The following DTNA variants were observed in gnomAD, a reference collection of about 807,000 sequenced individuals.
DTNA encodes the protein dystrobrevin alpha, also known as dystrophin-related protein 3.
DTNA carries 43 observed loss-of-function variants against 100.7 expected under a neutral mutation model. The observed-to-expected ratio is 0.43, with a 90% CI of 0.33 to 0.55. The LOEUF (loss-of-function observed/expected upper bound fraction) is 0.55. Among genes scored for constraint, DTNA ranks in the 20% least tolerant of loss-of-function variants. The probability of loss-of-function intolerance (pLI) is 0.04; values close to 1 mark genes in which losing one functional copy is unlikely to be tolerated. For missense variants in DTNA, 798 were observed against 953.9 expected (o/e 0.84, Z 2.15); for synonymous variants, 349 against 347.9 (o/e 1.00, Z -0.04).
chr18:34,527,166 A>G (rs2042704407), intron 1 of DTNA, among the ~76,000 whole-genome samples: 1 of 151,952 alleles, frequency 6.6e-6, no homozygotes. Flanking sequence ...GTGTATGGAA[A>G]TGTGCAGTAT....
chr18:34,744,148 C>T (rs1291821255), intron 1 of DTNA, among the ~76,000 whole-genome samples: 1 of 152,148 alleles, frequency 6.6e-6, no homozygotes, highest in Non-Finnish European at 1.5e-5. Flanking sequence ...TTATTAATGA[C>T]ATAAAATAAA....
chr18:34,773,095 A>T (rs1158963158), intron 3 of DTNA, among the ~76,000 whole-genome samples: 2 of 152,062 alleles, frequency 1.3e-5, no homozygotes, highest in African/African-American at 2.4e-5. Flanking sequence ...TTCCCCATTT[A>T]TGACTAGCCA....
intron 1 of DTNA, among the ~76,000 whole-genome samples, chr18:34,715,430 A>G (rs74790024): frequency 0.035 from 5,317 of 152,232 alleles, 292 homozygotes; most frequent in African/African-American, 0.12. Context: ...CACACATGTT[A>G]TGAAATGTTC....
intron 1 of DTNA, among the ~76,000 whole-genome samples, chr18:34,544,504 G>T (rs2044567984): frequency 6.6e-6 from 1 of 152,080 alleles, no homozygotes; most frequent in African/African-American, 2.4e-5. Context: ...GAAAATCAAG[G>T]AATTCAGTCT....
At chr18:34,584,008 G>A (rs899764453) in intron 1 of DTNA, among the ~76,000 whole-genome samples, 4 of 151,588 alleles carry the variant, frequency 2.6e-5, no homozygotes, top group African/African-American at 4.8e-5. Flanking sequence ...AGAAATCTGC[G>A]TGCCGAATAG....
At chr18:34,597,661 A>AC (rs1330430961) in intron 1 of DTNA, among the ~76,000 whole-genome samples, 1 of 151,998 alleles carries the variant, frequency 6.6e-6, no homozygotes, top group East Asian at 1.9e-4. Context: ...TCAAACATTG[A>AC]CTCCACTGCT....
At chr18:34,548,501 G>A (rs1317275447) in intron 1 of DTNA, among the ~76,000 whole-genome samples, 3 of 152,158 alleles carry the variant, frequency 2.0e-5, no homozygotes, top group Middle Eastern at 3.4e-3. Context: ...TTTTACAATC[G>A]AAGCATTTCT....
chr18:34,604,508 G>A (rs147251457), intron 1 of DTNA, among the ~76,000 whole-genome samples: 1 of 152,222 alleles, frequency 6.6e-6, no homozygotes, highest in East Asian at 1.9e-4. Context: ...TCTCTGTTCA[G>A]CATTGCAGGG....
At chr18:34,627,727 T>C in intron 1 of DTNA, among the ~76,000 whole-genome samples, 1 of 152,174 alleles carries the variant, frequency 6.6e-6, no homozygotes, top group East Asian at 1.9e-4. Flanking sequence ...ATGATGCACA[T>C]GATTGTGCCA....
At chr18:34,873,970 A>T (rs2150309757) in intron 17 of DTNA, among the ~76,000 whole-genome samples, 1 of 152,266 alleles carries the variant, frequency 6.6e-6, no homozygotes, top group South Asian at 2.1e-4. Flanking sequence ...CCCTCAGCCC[A>T]TTGGGCACCC....
intron 3 of DTNA, among the ~76,000 whole-genome samples, chr18:34,784,540 C>T (rs1359123113): frequency 6.6e-6 from 1 of 152,204 alleles, no homozygotes; most frequent in Non-Finnish European, 1.5e-5. Context: ...TCTTCCAAAT[C>T]TTTACATAGT....
intron 15 of DTNA, 103 bp from the exon 16 acceptor site, chr18:34,858,182 G>A (rs1212085705): frequency 1.9e-6 from 2 of 1,048,630 alleles, no homozygotes; most frequent in Non-Finnish European, 2.9e-6. Flanking sequence ...CTAAACATAG[G>A]ATGATCCCTT....
At chr18:34,631,572 A>G (rs1291711618) in intron 1 of DTNA, among the ~76,000 whole-genome samples, 1 of 152,224 alleles carries the variant, frequency 6.6e-6, no homozygotes, top group African/African-American at 2.4e-5. Context: ...AGTTTTAAGA[A>G]GCAAAGTGAT....
In DTNA at chr18:34,755,985, A is replaced by C. The variant is rs1377417445; in HGVS notation, c.9A>C (p.Glu3Asp). Residue 3 changes from glutamate (E) to aspartate (D), a missense_variant, in exon 2 of 23, where the codon GAA becomes GAC. By Grantham distance (45) the Glu-to-Asp change is conservative. Around this residue, in one of 6 missense-constraint regions of DTNA, gnomAD observed 197 missense variants for 215.4 expected, o/e 0.91. Coordinates refer to ENST00000444659, the MANE Select transcript of DTNA (RefSeq NM_001386795.1). MI[E>D]DSGKRGNTMA... Reference sequence around the variant, plus strand: ...CTATTTTGTCTCATAGAATGATTGAAGATAGTGGGAAAAGAGGAAATACCA... The same window carrying C: ...CTATTTTGTCTCATAGAATGATTGACGATAGTGGGAAAAGAGGAAATACCA... 5 of 1,613,264 alleles carry C rather than the reference A, an allele frequency of 3.1e-6. No homozygotes were observed. Among genetic ancestry groups the C allele is most frequent in the Non-Finnish European group, 3.4e-6 (4 of 1,179,484 alleles).
intron 4 of DTNA, among the ~76,000 whole-genome samples, chr18:34,803,568 T>C (rs960731357): frequency 1.2e-4 from 19 of 152,206 alleles, no homozygotes; most frequent in Admixed American, 1.2e-3. Context: ...GCCTCACATA[T>C]AATGCTCCTC....
At chr18:34,506,357 T>A (rs1157788314) in intron 1 of DTNA, among the ~76,000 whole-genome samples, 2 of 151,158 alleles carry the variant, frequency 1.3e-5, no homozygotes, top group African/African-American at 2.4e-5. Context: ...ATAGGGGGGG[T>A]CTTTATTACC....
At position 34,888,172 on chromosome 18, in the gene DTNA, A is replaced by C; in HGVS notation, c.*438A>C. 1 of 985,896 alleles carries C rather than the reference A, an allele frequency of 1.0e-6. No homozygotes were observed. The highest frequency in any genetic ancestry group is 1.2e-6 in the Non-Finnish European group (1 of 829,938). The allele number at this position is 985,896 out of a possible 1,614,324, so 61.1% of individuals were successfully genotyped here. On this transcript the variant is annotated 3_prime_UTR_variant, in exon 23 of 23. Coordinates refer to ENST00000444659, the MANE Select transcript of DTNA (RefSeq NM_001386795.1). ...TTTGCACATGATATTGAACCTGTTC[A>C]GTTTACAATGACAATATTAATACTG...
intron 1 of DTNA, among the ~76,000 whole-genome samples, chr18:34,588,400 A>G (rs1168528093): frequency 6.6e-6 from 1 of 151,958 alleles, no homozygotes; most frequent in Admixed American, 6.6e-5. Flanking sequence ...CCCTACCTAT[A>G]GTGTGCCAGA....
At chr18:34,730,532 T>C (rs1040940538) in intron 1 of DTNA, among the ~76,000 whole-genome samples, 2 of 152,096 alleles carry the variant, frequency 1.3e-5, no homozygotes, top group African/African-American at 4.8e-5. Context: ...GTGGGAAGAA[T>C]ATAGACCTTG....
Sources: allele counts gnomAD v4.1 joint callset (sites outside exome capture counted in the v4.1 genomes callset), GRCh38; gene constraint gnomAD v4.1.1; regional missense constraint gnomAD v4.1.1; transcripts MANE v1.5; gene names NCBI Gene and HGNC (gene_info 2026-07-23, HGNC 2026-07-21).